Variants in CLIC2 observed in about 807,000 individuals in gnomAD.
CLIC2 encodes CLIC family member 2.
CLIC2 carries 9 observed loss-of-function variants against 14.8 expected under a neutral mutation model. The observed-to-expected ratio is 0.61, with a 90% CI of 0.37 to 1.06. The LOEUF is 1.06. Among genes scored for constraint, CLIC2 ranks in the 50% least tolerant of loss-of-function variants. The pLI is 0.01. For missense variants in CLIC2, 148 were observed against 181.4 expected, an observed-to-expected ratio of 0.82 and a Z score of 1.06; for synonymous variants, 61 against 66.3, an observed-to-expected ratio of 0.92 and a Z score of 0.39.
chrX:155,299,606 A>T (rs1343972700), intron 1 of CLIC2, among the ~76,000 whole-genome samples: 1 of 109,240 alleles, frequency 9.2e-6, no homozygotes, highest in Admixed American at 9.8e-5. Flanking sequence ...TTTAAGTTTT[A>T]GGGTACATGT....
At chrX:155,291,756 G>A (rs2124164759) in intron 3 of CLIC2, among the ~76,000 whole-genome samples, 1 of 112,549 alleles carries the variant, frequency 8.9e-6, no homozygotes, top group South Asian at 3.7e-4. Context: ...TACAAGTTAA[G>A]TATCAATGAG....
At chrX:155,319,050 A>G (rs2075104344) in intron 1 of CLIC2, among the ~76,000 whole-genome samples, 1 of 112,341 alleles carries the variant, frequency 8.9e-6, no homozygotes, top group Non-Finnish European at 1.9e-5. Flanking sequence ...CACCTTATAC[A>G]GAAATAATTC....
At chrX:155,305,458 A>G (rs781811634) in intron 1 of CLIC2, among the ~76,000 whole-genome samples, 10 of 111,755 alleles carry the variant, frequency 8.9e-5, no homozygotes, top group South Asian at 7.4e-4. Context: ...GCACCCACTG[A>G]CCTGCGCCCA....
chrX:155,322,594 G>A (rs1301048887), intron 1 of CLIC2, among the ~76,000 whole-genome samples: 2 of 111,862 alleles, frequency 1.8e-5, no homozygotes, highest in Non-Finnish European at 3.8e-5. Context: ...TCCCACATCA[G>A]AAAGCGGGAA....
chrX:155,297,884 A>AAAG lies in CLIC2; in HGVS notation c.293+898_293+900dup, dbSNP rs2074999665. On this transcript the variant is annotated intron_variant, in intron 3 of 5. Coordinates refer to ENST00000369449, the MANE Select transcript of CLIC2 (RefSeq NM_001289.6). ...TCAAAAAAAAAAAAAAAAAAAAAAA[A>AAAG]AAGAAGGTGAACCATCAGAGAGACA... 1.0e-3 allele frequency among the ~76,000 whole-genome samples: 47 copies of AAAG among 45,228 alleles called. 10 individuals carry two copies. The South Asian group carries it at 0.013, about 13-fold the overall frequency. The allele number at this position is 45,228 out of a possible 115,157, so 39.3% of individuals were successfully genotyped here. A position where few individuals can be genotyped will look rare whatever the true frequency, so the allele number is the denominator to read the frequency against.
At chrX:155,321,138 C>A (rs1404810977) in intron 1 of CLIC2, among the ~76,000 whole-genome samples, 7 of 112,088 alleles carry the variant, frequency 6.2e-5, no homozygotes, top group Non-Finnish European at 9.4e-5. Flanking sequence ...GGAAAACACT[C>A]TTCAGGATAT....
intron 3 of CLIC2, among the ~76,000 whole-genome samples, chrX:155,297,193 T>A (rs2074995162): frequency 9.0e-6 from 1 of 111,340 alleles, no homozygotes; most frequent in Non-Finnish European, 1.9e-5. Context: ...TTATGTCAAG[T>A]GAAATAAGCC....
chrX:155,291,814 T>C (rs782076923), intron 3 of CLIC2, among the ~76,000 whole-genome samples: 2 of 112,370 alleles, frequency 1.8e-5, no homozygotes, highest in Non-Finnish European at 3.8e-5. Context: ...AGAGTGCTAA[T>C]GCCTAGTATT....
chrX:155,324,349 AC>A (rs1276229493), intron 1 of CLIC2, among the ~76,000 whole-genome samples: 1 of 112,022 alleles, frequency 8.9e-6, no homozygotes, highest in Non-Finnish European at 1.9e-5. Flanking sequence ...ACATCATGCT[AC>A]CTGACTTCAA....
chrX:155,310,448 A>G, intron 1 of CLIC2: 1 of 279,443 alleles, frequency 3.6e-6, no homozygotes, highest in Non-Finnish European at 7.1e-6. Context: ...CACTTGGTCC[A>G]TCCTGACACT....
chrX:155,287,860 T>C (rs1377695067), intron 3 of CLIC2, among the ~76,000 whole-genome samples: 1 of 112,294 alleles, frequency 8.9e-6, no homozygotes, highest in Admixed American at 9.4e-5. Flanking sequence ...TTTGTTGATA[T>C]TGATTCTTCC....
intron 3 of CLIC2, chrX:155,291,054 A>G (rs1374668459): frequency 2.8e-5 from 22 of 778,830 alleles, no homozygotes; most frequent in Non-Finnish European, 4.3e-5. Flanking sequence ...TTCCTTTTCC[A>G]GAGTTGCTCT....
chrX:155,296,852 T>C (rs1483147316), intron 3 of CLIC2, among the ~76,000 whole-genome samples: 1 of 111,665 alleles, frequency 9.0e-6, no homozygotes, highest in Admixed American at 9.5e-5. Flanking sequence ...GGAACTCTTA[T>C]ACACTGTTTT....
At chrX:155,324,948 G>C (rs2075130866) in intron 1 of CLIC2, among the ~76,000 whole-genome samples, 1 of 111,910 alleles carries the variant, frequency 8.9e-6, no homozygotes, top group South Asian at 3.7e-4. Context: ...CAAAAAGTGG[G>C]TGAAGGATAT....
chrX:155,306,730 TGAGA>T (rs782017264), intron 1 of CLIC2, among the ~76,000 whole-genome samples: 9 of 103,931 alleles, frequency 8.7e-5, no homozygotes, highest in African/African-American at 2.5e-4. Context: ...AAAGCAGGAG[TGAGA>T]GAGAGAGAGA....
intron 1 of CLIC2, among the ~76,000 whole-genome samples, chrX:155,326,498 T>C (rs2124220071): frequency 8.9e-6 from 1 of 112,240 alleles, no homozygotes; most frequent in Non-Finnish European, 1.9e-5. Context: ...TAAAATAGTA[T>C]GACCACACTG....
chrX:155,285,784 CTGAGTTTCTTA>C (rs2074939788), intron 3 of CLIC2, among the ~76,000 whole-genome samples: 1 of 110,277 alleles, frequency 9.1e-6, no homozygotes, highest in African/African-American at 3.3e-5. Flanking sequence ...TAGGTTCATT[CTGAGTTTCTTA>C]TGTGAGAAAA....
At chrX:155,330,541 T>C (rs1016148375) in intron 1 of CLIC2, among the ~76,000 whole-genome samples, 1 of 111,421 alleles carries the variant, frequency 9.0e-6, no homozygotes, top group Non-Finnish European at 1.9e-5. Context: ...TACCAAGTGT[T>C]GACAGGAAAG....
At chrX:155,305,923 T>A in intron 1 of CLIC2, among the ~76,000 whole-genome samples, 1 of 112,387 alleles carries the variant, frequency 8.9e-6, no homozygotes, top group East Asian at 2.8e-4. Flanking sequence ...TTTTATATTT[T>A]GATTTACCAT....
Sources: allele counts gnomAD v4.1 joint callset (sites outside exome capture counted in the v4.1 genomes callset), GRCh38; gene constraint gnomAD v4.1.1; transcripts MANE v1.5; gene names NCBI Gene and HGNC (gene_info 2026-07-23, HGNC 2026-07-21).